Variants in TOX observed in about 807,000 individuals in gnomAD.
TOX encodes the protein thymocyte selection associated high mobility group box, also known as thymocyte selection-associated high mobility group box protein TOX.
In TOX, 11 loss-of-function variants were observed where a neutral mutation model predicts 53.7. The observed-to-expected ratio is 0.20, with a 90% CI of 0.13 to 0.34. The LOEUF is 0.34. Among genes scored for constraint, TOX ranks in the 10% least tolerant of loss-of-function variants. TOX has a pLI of 1.00. For missense variants in TOX, 570 were observed against 664.6 expected (o/e 0.86, Z 1.56); for synonymous variants, 225 against 245.3 (o/e 0.92, Z 0.77).
At chr8:59,085,337 A>T (rs74497560) in intron 1 of TOX, among the ~76,000 whole-genome samples, 2,418 of 152,310 alleles carry the variant, frequency 0.016, 59 homozygotes, top group African/African-American at 0.055. Context: ...AACTTTTTTT[A>T]AAATTATATG....
intron 6 of TOX, among the ~76,000 whole-genome samples, chr8:58,817,871 T>C (rs1434698320): frequency 6.6e-6 from 1 of 152,188 alleles, no homozygotes; most frequent in African/African-American, 2.4e-5. Flanking sequence ...AATGTTTTCA[T>C]TTTTAATTTC....
Position 59,107,053 on chromosome 8 carries a change from G to A in TOX, c.102+11833C>T, listed in dbSNP as rs371542785. 5.8e-4 allele frequency among the ~76,000 whole-genome samples: 62 copies of A among 107,136 alleles called. 9 individuals are homozygous for A. The highest frequency in any genetic ancestry group is 3.1e-3 in the South Asian group (9 of 2,886). The allele number at this position is 107,136 out of a possible 152,430, so 70.3% of individuals were successfully genotyped here. ...TCTTATAAAGCAGTTTGCTGGGGGGGGGGGGAACGTGACATTTCTAATTCA... is the reference window on the plus strand; with the variant it reads ...TCTTATAAAGCAGTTTGCTGGGGGGAGGGGGAACGTGACATTTCTAATTCA... On this transcript the variant is annotated intron_variant, in intron 1 of 8. Transcript: ENST00000361421.
At chr8:58,903,405 C>A (rs767677296) in intron 3 of TOX, among the ~76,000 whole-genome samples, 2 of 152,170 alleles carry the variant, frequency 1.3e-5, no homozygotes, top group Non-Finnish European at 2.9e-5. Flanking sequence ...TGGACAAATT[C>A]CAACTGTGTA....
At chr8:58,961,927 T>C (rs549068018) in intron 1 of TOX, among the ~76,000 whole-genome samples, 10 of 152,238 alleles carry the variant, frequency 6.6e-5, no homozygotes, top group Non-Finnish European at 1.0e-4. Flanking sequence ...CCACCCACTG[T>C]TGGAGTACAC....
At chr8:59,075,439 G>A (rs1804275608) in intron 1 of TOX, among the ~76,000 whole-genome samples, 3 of 152,148 alleles carry the variant, frequency 2.0e-5, no homozygotes, top group South Asian at 2.1e-4. Context: ...CCAAGAGATC[G>A]AGTGAGCAGG....
intron 5 of TOX, among the ~76,000 whole-genome samples, chr8:58,835,748 C>T (rs1810534678): frequency 6.6e-6 from 1 of 152,090 alleles, no homozygotes; most frequent in Non-Finnish European, 1.5e-5. Flanking sequence ...AATCACTGCT[C>T]TTGAATATGG....
At chr8:59,036,107 G>A (rs1435758725) in intron 1 of TOX, among the ~76,000 whole-genome samples, 5 of 152,194 alleles carry the variant, frequency 3.3e-5, no homozygotes, top group African/African-American at 1.2e-4. Context: ...TATTCTCGAA[G>A]CTCAGGAAAA....
intron 1 of TOX, among the ~76,000 whole-genome samples, chr8:59,024,766 A>G (rs1182745630): frequency 6.6e-6 from 1 of 152,134 alleles, no homozygotes; most frequent in African/African-American, 2.4e-5. Context: ...GAAAAAAAAA[A>G]GTGTCTGAGC....
chr8:58,965,105 A>T (rs1361802357), intron 1 of TOX, among the ~76,000 whole-genome samples: 1 of 152,218 alleles, frequency 6.6e-6, no homozygotes, highest in Non-Finnish European at 1.5e-5. Context: ...TAACTTTTCA[A>T]AATATATCTA....
chr8:58,992,764 T>G (rs1020127751), intron 1 of TOX: 1 of 152,254 alleles, frequency 6.6e-6, no homozygotes, highest in African/African-American at 2.4e-5. Context: ...CTCTTGTCAC[T>G]TAAACATTTT....
intron 1 of TOX, among the ~76,000 whole-genome samples, chr8:58,976,904 G>A (rs193177593): frequency 6.6e-6 from 1 of 152,176 alleles, no homozygotes; most frequent in Non-Finnish European, 1.5e-5. Flanking sequence ...TGCTGTAAAA[G>A]GATGTACTGT....
intron 1 of TOX, among the ~76,000 whole-genome samples, chr8:59,111,167 T>C (rs1229931682): frequency 1.3e-5 from 2 of 152,150 alleles, no homozygotes; most frequent in African/African-American, 4.8e-5. Flanking sequence ...AATCACATCC[T>C]CTTATGGTTA....
chr8:59,085,979 CTTTTT>C (rs35593177), intron 1 of TOX, among the ~76,000 whole-genome samples: 5 of 88,824 alleles, frequency 5.6e-5, no homozygotes, highest in African/African-American at 2.2e-4. Context: ...CTTTTCTTTT[CTTTTT>C]TTTTTTTTTT....
chr8:58,956,408 G>T (rs918041017), intron 2 of TOX, among the ~76,000 whole-genome samples: 1 of 152,074 alleles, frequency 6.6e-6, no homozygotes, highest in East Asian at 1.9e-4. Context: ...TGGCATATTC[G>T]TCCAGATATT....
intron 1 of TOX, among the ~76,000 whole-genome samples, chr8:59,000,647 T>C (rs1408286098): frequency 2.0e-5 from 3 of 152,188 alleles, no homozygotes; most frequent in African/African-American, 7.2e-5. Flanking sequence ...TGTTACTCAG[T>C]AGGTAACTTG....
intron 1 of TOX, among the ~76,000 whole-genome samples, chr8:58,974,827 G>T (rs1482845287): frequency 6.6e-6 from 1 of 152,016 alleles, no homozygotes; most frequent in Non-Finnish European, 1.5e-5. Flanking sequence ...GCAAGATGCT[G>T]CATCTTCATT....
chr8:58,898,436 A>G (rs1334566180), intron 3 of TOX, among the ~76,000 whole-genome samples: 3 of 152,246 alleles, frequency 2.0e-5, no homozygotes, highest in Non-Finnish European at 4.4e-5. Flanking sequence ...AATGCATTAA[A>G]GATCAAAGCA....
chr8:59,092,311 ATATATACATATATATAT>A (rs1195947558), intron 1 of TOX, among the ~76,000 whole-genome samples: 4 of 111,884 alleles, frequency 3.6e-5, no homozygotes, highest in South Asian at 4.6e-4. Context: ...ATTATATATT[ATATATACATATATATAT>A]TATATATTAT....
At chr8:58,914,602 C>A (rs1295315661) in intron 3 of TOX, among the ~76,000 whole-genome samples, 3 of 152,172 alleles carry the variant, frequency 2.0e-5, no homozygotes, top group Non-Finnish European at 4.4e-5. Flanking sequence ...CTGTTGCTAA[C>A]ATCCTACAAG....
Sources: allele counts gnomAD v4.1 joint callset (sites outside exome capture counted in the v4.1 genomes callset), GRCh38; gene constraint gnomAD v4.1.1; transcripts MANE v1.5; gene names NCBI Gene and HGNC (gene_info 2026-07-23, HGNC 2026-07-21).